Variants in GRM7 observed in about 807,000 individuals in gnomAD.
The protein encoded by GRM7 is glutamate metabotropic receptor 7.
A neutral mutation model predicts 84.5 loss-of-function variants in GRM7; 35 were observed. The ratio of observed to expected loss-of-function variants is 0.41; its 90% CI spans 0.32 to 0.55. GRM7 has a LOEUF of 0.55. Ranked by LOEUF, GRM7 falls within the 20% of genes least tolerant of loss-of-function variation. GRM7 has a pLI of 0.19. For synonymous variants in GRM7, 487 were observed against 455.1 expected (o/e 1.07, Z -0.89); for missense variants, 1,003 against 1,194.6 (o/e 0.84, Z 2.36).
chr3:6,938,451 A>G (rs1697768925), intron 1 of GRM7, among the ~76,000 whole-genome samples: 1 of 152,194 alleles, frequency 6.6e-6, no homozygotes, highest in Non-Finnish European at 1.5e-5. Context: ...TTGAGGAGCT[A>G]CAGTCCGGTA....
chr3:7,658,746 A>C (rs1036038048), intron 8 of GRM7, among the ~76,000 whole-genome samples: 5 of 152,224 alleles, frequency 3.3e-5, no homozygotes, highest in African/African-American at 1.2e-4. Context: ...CACCAAATAA[A>C]ATGAAATCAT....
intron 2 of GRM7, among the ~76,000 whole-genome samples, chr3:7,241,274 A>G (rs1428070538): frequency 6.6e-6 from 1 of 152,270 alleles, no homozygotes; most frequent in Middle Eastern, 3.4e-3. Flanking sequence ...AAGGGTGTCT[A>G]TATGGACTAC....
At chr3:7,208,639 C>T (rs1057246222) in intron 2 of GRM7, among the ~76,000 whole-genome samples, 6 of 152,114 alleles carry the variant, frequency 3.9e-5, no homozygotes, top group East Asian at 3.9e-4. Context: ...AGTATTATCA[C>T]GGGACTCTGT....
At chr3:7,328,134 A>G (rs139709192) in intron 4 of GRM7, among the ~76,000 whole-genome samples, 1 of 152,154 alleles carries the variant, frequency 6.6e-6, no homozygotes, top group Non-Finnish European at 1.5e-5. Context: ...GCTTATTTCA[A>G]CTTTAGAATT....
intron 4 of GRM7, among the ~76,000 whole-genome samples, chr3:7,362,341 TACACAC>T (rs35321936): frequency 1.4e-5 from 2 of 147,806 alleles, no homozygotes; most frequent in African/African-American, 5.1e-5. Context: ...TTTTAAAGAA[TACACAC>T]ACACACACAC....
intron 7 of GRM7, among the ~76,000 whole-genome samples, chr3:7,474,850 T>C (rs1698857950): frequency 6.6e-6 from 1 of 152,194 alleles, no homozygotes; most frequent in African/African-American, 2.4e-5. Flanking sequence ...AAAAGATGTA[T>C]AGGCAATTAT....
chr3:6,973,322 A>G (rs1490767313), intron 1 of GRM7, among the ~76,000 whole-genome samples: 1 of 151,998 alleles, frequency 6.6e-6, no homozygotes, highest in East Asian at 1.9e-4. Flanking sequence ...ACTATGTACC[A>G]TGTTCCTTCT....
chr3:7,384,655 T>G (rs1694715149), intron 4 of GRM7, among the ~76,000 whole-genome samples: 1 of 152,234 alleles, frequency 6.6e-6, no homozygotes. Context: ...AAATCTTGGA[T>G]GTCTTCTACA....
At chr3:7,325,883 G>A (rs779096624) in intron 4 of GRM7, among the ~76,000 whole-genome samples, 25 of 151,780 alleles carry the variant, frequency 1.6e-4, no homozygotes, top group Non-Finnish European at 1.9e-4. Flanking sequence ...TCTCTCTCTC[G>A]ACAATGAAGA....
At chr3:6,876,718 C>T (rs1695318765) in intron 1 of GRM7, among the ~76,000 whole-genome samples, 1 of 151,248 alleles carries the variant, frequency 6.6e-6, no homozygotes, top group East Asian at 2.0e-4. Context: ...TCTCTTGCCT[C>T]AGCCACTGGA....
intron 7 of GRM7, among the ~76,000 whole-genome samples, chr3:7,572,945 T>A (rs1694779405): frequency 6.9e-6 from 1 of 144,110 alleles, no homozygotes; most frequent in Admixed American, 7.1e-5. Flanking sequence ...TTGACTTTTA[T>A]AAGTTTTGAA....
intron 5 of GRM7, among the ~76,000 whole-genome samples, chr3:7,426,518 C>T (rs1696619337): frequency 6.6e-6 from 1 of 152,078 alleles, no homozygotes; most frequent in Admixed American, 6.6e-5. Context: ...TTGACAATCA[C>T]TCACTCTTCA....
intron 1 of GRM7, among the ~76,000 whole-genome samples, chr3:7,069,001 G>T (rs1361655239): frequency 4.0e-5 from 6 of 151,426 alleles, no homozygotes; most frequent in Non-Finnish European, 8.8e-5. Context: ...GTAGATAAGT[G>T]GGTAATATCA....
chr3:6,894,427 T>C (rs1235811509), intron 1 of GRM7, among the ~76,000 whole-genome samples: 1 of 152,132 alleles, frequency 6.6e-6, no homozygotes, highest in African/African-American at 2.4e-5. Context: ...GGTGATATTA[T>C]ATTGTGGCAG....
chr3:6,881,094 T>A (rs1211893386), intron 1 of GRM7, among the ~76,000 whole-genome samples: 1 of 152,162 alleles, frequency 6.6e-6, no homozygotes, highest in Non-Finnish European at 1.5e-5. Context: ...GCAAGCTCAA[T>A]TATAAACTCA....
chr3:7,333,335 C>T (rs931850345), intron 4 of GRM7, among the ~76,000 whole-genome samples: 1 of 152,170 alleles, frequency 6.6e-6, no homozygotes, highest in Admixed American at 6.5e-5. Context: ...TCGCCAGCAC[C>T]AGCCCAGAGC....
At chr3:7,454,090 A>ACACTGTCTCT (rs1365192243) in intron 6 of GRM7, among the ~76,000 whole-genome samples, 1 of 140,122 alleles carries the variant, frequency 7.1e-6, no homozygotes, top group African/African-American at 2.8e-5. Context: ...CTACACACAC[A>ACACTGTCTCT]CTCTCTCTCT....
At chr3:7,229,759 A>ATATATATATAT (rs1434216248) in intron 2 of GRM7, among the ~76,000 whole-genome samples, 2 of 30,402 alleles carry the variant, frequency 6.6e-5, no homozygotes, top group African/African-American at 1.3e-4. Flanking sequence ...ATATATATAT[A>ATATATATATAT]TTTTTTTTTT....
At chr3:7,566,020 C>T (rs191060105) in intron 7 of GRM7, among the ~76,000 whole-genome samples, 2 of 151,754 alleles carry the variant, frequency 1.3e-5, no homozygotes, top group African/African-American at 4.8e-5. Flanking sequence ...TCAAAGATGA[C>T]ACCTAACTTC....
Sources: gnomAD v4.1 joint callset for allele counts (sites outside exome capture counted in the v4.1 genomes callset) on GRCh38, gnomAD v4.1.1 for gene constraint, MANE v1.5 for transcripts, NCBI Gene and HGNC (gene_info 2026-07-23, HGNC 2026-07-21) for gene names.